OGG1: variants seen among roughly 807,000 people sequenced by gnomAD.
OGG1 encodes N-glycosylase/DNA lyase.
OGG1 carries 35 observed loss-of-function variants against 42.3 expected under a neutral mutation model. The ratio of observed to expected loss-of-function variants is 0.83; its 90% confidence interval spans 0.63 to 1.10. OGG1 has a LOEUF of 1.10. Ranked by LOEUF, OGG1 falls within the 50% of genes least tolerant of loss-of-function variation. The pLI is 0.00. For missense variants in OGG1, 484 were observed against 446.7 expected (o/e 1.08, Z -0.75); for synonymous variants, 189 against 179.0 (o/e 1.06, Z -0.44).
intron 2 of OGG1, among the ~76,000 whole-genome samples, chr3:9,771,810 CTTTTTTTTTT>C (rs5846644): frequency 1.5e-5 from 1 of 66,712 alleles, no homozygotes; most frequent in Admixed American, 1.9e-4. Flanking sequence ...TGTACAACTT[CTTTTTTTTTT>C]TTTTTTTTTT....
chr3:9,754,912 CCT>C, intron 4 of OGG1, 27 bp downstream of exon 4: 1 of 1,553,052 alleles, frequency 6.4e-7, no homozygotes, highest in South Asian at 1.2e-5. Context: ...TAGGAGCTGC[CCT>C]CTCTACTGAC....
At chr3:9,752,930 C>T (rs2077369868) in intron 3 of OGG1, among the ~76,000 whole-genome samples, 1 of 152,054 alleles carries the variant, frequency 6.6e-6, no homozygotes, top group Non-Finnish European at 1.5e-5. Context: ...AGGCACCTGT[C>T]CCAGCTACTC....
downstream of OGG1, chr3:9,759,756 C>T: frequency 3.7e-6 from 6 of 1,614,164 alleles, no homozygotes; most frequent in Non-Finnish European, 5.1e-6. Context: ...TTTGGCTAAA[C>T]CCCCAAGACA....
At chr3:9,774,427 A>C (rs975079091) in intron 2 of OGG1, among the ~76,000 whole-genome samples, 1,525 of 142,352 alleles carry the variant, frequency 0.011, 26 homozygotes, top group African/African-American at 0.036. Flanking sequence ...AAAAAAAAAA[A>C]ACAAAACTTT....
Position 9,750,045 on chromosome 3 carries a change from G to C in OGG1, c.-242G>C, listed in dbSNP as rs753391538. 4.1e-5 allele frequency: 23 copies of C among 567,142 alleles called. No individual in the cohort carries two copies. Among genetic ancestry groups the C allele is most frequent in the African/African-American group, 1.5e-4 (8 of 53,504 alleles). The allele number at this position is 567,142 out of a possible 1,614,324, so 35.1% of individuals were successfully genotyped here. ...GCGGGAGAAGATAAGTCGCAAGGAG[G>C]GGGCGGGACCTACACCTCAGGAAAG... On this transcript the variant is annotated 5_prime_UTR_variant, in exon 1 of 7. Coordinates refer to ENST00000344629, the MANE Select transcript of OGG1 (RefSeq NM_002542.6).
At chr3:9,782,841 G>T (rs1456210012) in intron 3 of OGG1, among the ~76,000 whole-genome samples, 1 of 151,812 alleles carries the variant, frequency 6.6e-6, no homozygotes, top group Non-Finnish European at 1.5e-5. Context: ...TCCTGTCAGG[G>T]CTCTATGAAG....
chr3:9,783,917 T>C (rs2078541322), intron 3 of OGG1: 1 of 1,424,438 alleles, frequency 7.0e-7, no homozygotes, highest in Non-Finnish European at 9.2e-7. Context: ...TCCAGGTGAT[T>C]TAGAGGCCAG....
chr3:9,759,143 G>A (rs1278212833), downstream of OGG1: 11 of 1,465,904 alleles, frequency 7.5e-6, no homozygotes, highest in East Asian at 2.5e-4. Context: ...AATGGCTATA[G>A]ACATTATTCC....
intron 3 of OGG1, among the ~76,000 whole-genome samples, chr3:9,786,376 C>T (rs1188777083): frequency 6.6e-6 from 1 of 152,172 alleles, no homozygotes; most frequent in Non-Finnish European, 1.5e-5. Context: ...CCTTAGATAA[C>T]CTGCAACATG....
downstream of OGG1, chr3:9,760,629 A>T: frequency 1.9e-6 from 3 of 1,612,664 alleles, no homozygotes; most frequent in South Asian, 3.3e-5. Context: ...GGCAGGGCCC[A>T]GGGGAAAAAA....
chr3:9,783,266 T>A (rs938363692), intron 3 of OGG1: 3 of 151,618 alleles, frequency 2.0e-5, no homozygotes, highest in African/African-American at 7.3e-5. Flanking sequence ...ACAATGTGAA[T>A]ATGGGTAACA....
At chr3:9,756,358 GAAC>G in intron 4 of OGG1, 110 bp from the exon 5 acceptor site, 2 of 1,047,642 alleles carry the variant, frequency 1.9e-6, no homozygotes, top group South Asian at 2.6e-5. Flanking sequence ...TGAGAATATA[GAAC>G]AACAGTAACC....
chr3:9,750,159 GT>G lies in OGG1; in HGVS notation c.-126del, dbSNP rs896733715. 14 of 1,218,158 alleles carry G rather than the reference GT, an allele frequency of 1.1e-5. No individual in the cohort carries two copies. In the African/African-American group the frequency reaches 2.0e-4, roughly 17 times the overall value. 75.5% of individuals were successfully genotyped at this position (1,218,158 alleles called of 1,614,324 possible). ...GGAGGAATTAAGTGAAACAGGGAAG[GT>G]TGTTAAACAGCACCGTGTGGGCGAG... On this transcript the variant is annotated 5_prime_UTR_variant, in exon 1 of 7. The change creates a premature stop within an existing upstream ORF in the 5' untranslated region. Coordinates refer to ENST00000344629, the MANE Select transcript of OGG1 (RefSeq NM_002542.6).
chr3:9,789,736 G>A (rs1456306139), downstream of OGG1: 1 of 1,613,458 alleles, frequency 6.2e-7, no homozygotes, highest in South Asian at 1.1e-5. Context: ...CATTTTTGGG[G>A]ATCCGTGGCA....
intron 7 of OGG1, among the ~76,000 whole-genome samples, chr3:9,763,761 G>A (rs578090637): frequency 3.3e-5 from 5 of 152,102 alleles, no homozygotes; most frequent in Non-Finnish European, 5.9e-5. Flanking sequence ...CAAGGCAGGC[G>A]GATCACTTGA....
At chr3:9,753,091 C>T (rs554863700) in intron 3 of OGG1, among the ~76,000 whole-genome samples, 1 of 152,076 alleles carries the variant, frequency 6.6e-6, no homozygotes, top group South Asian at 2.1e-4. Flanking sequence ...GTGGCTCACA[C>T]CTGTAATCCC....
chr3:9,754,918 TACTGAC>T lies in OGG1; in HGVS notation c.747+37_747+42del, dbSNP rs1183912962. ...CCCAGGGGGTAGGAGCTGCCCTCTC[TACTGAC>T]ACTAAGAGGAGAGCAGGAAATGAGC... On this transcript the variant is annotated intron_variant, in intron 4 of 6. Coordinates refer to ENST00000344629, the MANE Select transcript of OGG1 (RefSeq NM_002542.6). The T allele has an allele frequency of 2.6e-6, 4 of 1,535,918 alleles. No homozygotes were observed. The Admixed American group carries it at 7.7e-5, about 30-fold the overall frequency.
At chr3:9,786,999 T>G (rs1242053357) in intron 3 of OGG1, 3 of 1,612,952 alleles carry the variant, frequency 1.9e-6, no homozygotes, top group Non-Finnish European at 2.5e-6. Flanking sequence ...TGGGTTAGGC[T>G]GCTCACCTCC....
downstream of OGG1, chr3:9,760,779 A>G: frequency 1.2e-6 from 2 of 1,613,868 alleles, no homozygotes; most frequent in South Asian, 2.2e-5. Context: ...CTGGGCAGGG[A>G]GAAACTCATC....
Sources: gnomAD v4.1 joint callset for allele counts (sites outside exome capture counted in the v4.1 genomes callset) on GRCh38, gnomAD v4.1.1 for gene constraint, MANE v1.5 for transcripts, NCBI Gene and HGNC (gene_info 2026-07-23, HGNC 2026-07-21) for gene names.